TNKS2: variants seen among roughly 807,000 people sequenced by gnomAD.
The protein encoded by TNKS2 is poly [ADP-ribose] polymerase tankyrase-2.
Under a neutral mutation model 137.6 loss-of-function variants are expected in TNKS2, and 72 were observed. That is an observed-to-expected ratio of 0.52 (90% CI 0.43 to 0.64). TNKS2 has a LOEUF of 0.64. TNKS2 is among the 30% of genes least tolerant of loss of function. The pLI, the probability that TNKS2 is intolerant of heterozygous loss-of-function variation, is 0.00. For synonymous variants in TNKS2, 516 were observed against 512.1 expected (o/e 1.01, Z -0.10); for missense variants, 1,049 against 1,410.2 (o/e 0.74, Z 4.10).
chr10:91,838,450 C>T (rs1328024667), intron 13 of TNKS2, among the ~76,000 whole-genome samples: 4 of 152,158 alleles, frequency 2.6e-5, no homozygotes, highest in Non-Finnish European at 5.9e-5. Context: ...AACTATTGTG[C>T]TCAGTTGTGT....
chr10:91,830,222 T>G (rs1845197756), intron 9 of TNKS2, among the ~76,000 whole-genome samples: 1 of 152,124 alleles, frequency 6.6e-6, no homozygotes, highest in Admixed American at 6.5e-5. Flanking sequence ...GTTATTTCCC[T>G]TTTTTTGTTT....
At chr10:91,850,367 CA>C (rs1227362681) in intron 20 of TNKS2, among the ~76,000 whole-genome samples, 12,117 of 89,156 alleles carry the variant, frequency 0.14, 566 homozygotes, top group East Asian at 0.23. Context: ...GACTCGGTCT[CA>C]AAAAAAAAAA....
chr10:91,853,876 A>C (rs959015807), intron 21 of TNKS2, among the ~76,000 whole-genome samples: 1 of 152,230 alleles, frequency 6.6e-6, no homozygotes, highest in South Asian at 2.1e-4. Context: ...CCCAGCAGTA[A>C]AGGATTTGGC....
chr10:91,819,267 C>G lies in TNKS2; in HGVS notation c.521-3C>G. The G allele has an allele frequency of 7.2e-7, 1 of 1,384,040 alleles. No homozygotes were observed. The highest frequency in any genetic ancestry group is 9.5e-7 in the Non-Finnish European group (1 of 1,047,732). The allele number at this position is 1,384,040 out of a possible 1,614,324, so 85.7% of individuals were successfully genotyped here. The stretch of plus-strand genomic sequence containing the variant: ...TATACTTTTTTTTTTTTCTAATTCA[C>G]AGGTGAATATAAGAAAGATGAACTC... On this transcript the variant is annotated splice_region_variant and splice_polypyrimidine_tract_variant and intron_variant, in intron 3 of 26. Coordinates refer to ENST00000371627, the MANE Select transcript of TNKS2 (RefSeq NM_025235.4).
intron 9 of TNKS2, among the ~76,000 whole-genome samples, chr10:91,830,119 G>A (rs998054207): frequency 2.6e-5 from 4 of 152,120 alleles, no homozygotes; most frequent in African/African-American, 7.2e-5. Context: ...TTATTCTGCC[G>A]AAGCAACTAG....
chr10:91,862,357 A>G (rs971236653), intron 26 of TNKS2, among the ~76,000 whole-genome samples: 7 of 152,106 alleles, frequency 4.6e-5, no homozygotes, highest in Admixed American at 1.3e-4. Context: ...CTAAATGTTA[A>G]TATTTTGTTC....
At chr10:91,839,240 C>A (rs532495184) in intron 13 of TNKS2, among the ~76,000 whole-genome samples, 2 of 152,290 alleles carry the variant, frequency 1.3e-5, no homozygotes, top group Non-Finnish European at 2.9e-5. Flanking sequence ...CCCAAACTTT[C>A]ATACTTTTCA....
At chr10:91,853,336 T>C (rs1842607660) in intron 21 of TNKS2, among the ~76,000 whole-genome samples, 1 of 152,246 alleles carries the variant, frequency 6.6e-6, no homozygotes, top group Non-Finnish European at 1.5e-5. Context: ...TTCATTCCTA[T>C]ATGAAGAAGA....
chr10:91,830,630 A>T (rs559517587), intron 9 of TNKS2, among the ~76,000 whole-genome samples: 1 of 152,232 alleles, frequency 6.6e-6, no homozygotes, highest in South Asian at 2.1e-4. Flanking sequence ...TGAAAAGGAT[A>T]TTGGTCACAT....
chr10:91,812,219 A>G (rs1016302045), intron 1 of TNKS2, among the ~76,000 whole-genome samples: 6 of 152,202 alleles, frequency 3.9e-5, no homozygotes, highest in African/African-American at 1.4e-4. Flanking sequence ...AAGTACTAAT[A>G]TATGGGAATG....
At chr10:91,809,084 A>G (rs150087505) in intron 1 of TNKS2, among the ~76,000 whole-genome samples, 1 of 152,364 alleles carries the variant, frequency 6.6e-6, no homozygotes, top group African/African-American at 2.4e-5. Context: ...AAGAAAATAT[A>G]TAAAATACTG....
In TNKS2 at chr10:91,844,343, A is replaced by G. The variant is rs143468965; in HGVS notation, c.2060-576A>G. On this transcript the variant is annotated intron_variant, in intron 16 of 26. Coordinates refer to ENST00000371627, the MANE Select transcript of TNKS2 (RefSeq NM_025235.4). ...ATCCTTTAGCAAAAGGATAAAAACT[A>G]TAATAGAAATAAGTTTTATTTCATG... Among the ~76,000 whole-genome samples the G allele has an allele frequency of 2.0e-3, 298 of 152,352 alleles. 2 individuals carry two copies. Among genetic ancestry groups the G allele is most frequent in the Non-Finnish European group, 3.0e-3 (201 of 68,034 alleles).
intron 2 of TNKS2, among the ~76,000 whole-genome samples, chr10:91,815,568 G>A (rs2133605233): frequency 1.3e-5 from 2 of 152,064 alleles, no homozygotes; most frequent in South Asian, 4.2e-4. Context: ...GAAAAAGCAT[G>A]CCACATTTCA....
At chr10:91,833,832 A>G in intron 11 of TNKS2, 21 bp from the exon 12 acceptor site, 1 of 1,547,662 alleles carries the variant, frequency 6.5e-7, no homozygotes, top group Non-Finnish European at 8.7e-7. Flanking sequence ...GGCTAATTTC[A>G]ATTTTTTCTG....
At chr10:91,801,499 A>C (rs924084185) in intron 1 of TNKS2, among the ~76,000 whole-genome samples, 24 of 148,690 alleles carry the variant, frequency 1.6e-4, no homozygotes, top group Non-Finnish European at 3.0e-4. Context: ...TTTGAGATGG[A>C]GTCTAGTTCT....
chr10:91,827,558 A>G (rs1485315467), intron 8 of TNKS2, among the ~76,000 whole-genome samples: 1 of 152,160 alleles, frequency 6.6e-6, no homozygotes, highest in Non-Finnish European at 1.5e-5. Flanking sequence ...AAGCTTCATA[A>G]GATTGCCATC....
chr10:91,837,045 A>T, intron 13 of TNKS2, 47 bp downstream of exon 13: 1 of 1,585,362 alleles, frequency 6.3e-7, no homozygotes, highest in Non-Finnish European at 8.6e-7. Flanking sequence ...TTTTATTTTG[A>T]CATTGTTATT....
intron 13 of TNKS2, among the ~76,000 whole-genome samples, chr10:91,837,229 T>G (rs1842053143): frequency 6.6e-6 from 1 of 152,198 alleles, no homozygotes; most frequent in African/African-American, 2.4e-5. Flanking sequence ...TATAAATAAA[T>G]TCGGGTAATA....
chr10:91,805,921 T>C (rs1157348399), intron 1 of TNKS2, among the ~76,000 whole-genome samples: 1 of 152,092 alleles, frequency 6.6e-6, no homozygotes, highest in African/African-American at 2.4e-5. Context: ...GGGAGGACAG[T>C]GTGATCAGCA....
Sources: allele counts gnomAD v4.1 joint callset (sites outside exome capture counted in the v4.1 genomes callset), GRCh38; gene constraint gnomAD v4.1.1; transcripts MANE v1.5; gene names NCBI Gene and HGNC (gene_info 2026-07-23, HGNC 2026-07-21).